The following SRP54 variants were observed in gnomAD, a reference collection of about 807,000 sequenced individuals.
The protein encoded by SRP54 is signal recognition particle 54.
A neutral mutation model predicts 64.8 loss-of-function variants in SRP54; 10 were observed. The observed-to-expected ratio is 0.15, with a 90% CI of 0.10 to 0.26. The LOEUF (loss-of-function observed/expected upper bound fraction) is 0.26, where lower values mean the gene tolerates loss of function less well. SRP54 is among the 10% of genes least tolerant of loss of function. SRP54 has a pLI of 1.00. For missense variants in SRP54, 325 were observed against 613.7 expected, an observed-to-expected ratio of 0.53 and a Z score of 4.97; for synonymous variants, 193 against 185.6, an observed-to-expected ratio of 1.04 and a Z score of -0.32.
At chr14:35,023,793 C>T (rs2044574980) in intron 14 of SRP54, among the ~76,000 whole-genome samples, 1 of 148,164 alleles carries the variant, frequency 6.7e-6, no homozygotes, top group Non-Finnish European at 1.5e-5. Context: ...CCCAAACACA[C>T]ACACACACAC....
chr14:35,001,824 C>G (rs552143681), intron 4 of SRP54, among the ~76,000 whole-genome samples: 2 of 151,984 alleles, frequency 1.3e-5, no homozygotes, highest in South Asian at 2.1e-4. Flanking sequence ...TATTGCTGAT[C>G]ATGCAAATTA....
At position 34,996,804 on chromosome 14, in the gene SRP54, A is replaced by T. The variant is rs771137520; in HGVS notation, c.78+17A>T. On this transcript the variant is annotated intron_variant, in intron 2 of 15. Coordinates refer to ENST00000216774, the MANE Select transcript of SRP54 (RefSeq NM_003136.4). ...AATGAAGAGGTATGTAAAATATTGT[A>T]TGAAATATATATGATTGTATATTGT... 1 of 1,528,966 alleles carries T rather than the reference A, an allele frequency of 6.5e-7. No homozygotes were observed. The highest frequency in any genetic ancestry group is 1.1e-5 in the South Asian group (1 of 89,312). The allele number at this position is 1,528,966 out of a possible 1,614,324, so 94.7% of individuals were successfully genotyped here.
intron 1 of SRP54, among the ~76,000 whole-genome samples, chr14:34,987,801 C>A (rs577170210): frequency 6.6e-6 from 1 of 152,270 alleles, no homozygotes; most frequent in South Asian, 2.1e-4. Context: ...TCCCTGATGG[C>A]TAATATTTTT....
At chr14:35,015,784 C>CG (rs2044428815) in intron 11 of SRP54, among the ~76,000 whole-genome samples, 1 of 152,156 alleles carries the variant, frequency 6.6e-6, no homozygotes, top group Non-Finnish European at 1.5e-5. Flanking sequence ...CTCATCTTAC[C>CG]AGATAATTGT....
chr14:34,996,621 CTT>C, intron 1 of SRP54, 54 bp from the exon 2 acceptor site: 1 of 893,680 alleles, frequency 1.1e-6, no homozygotes, highest in Non-Finnish European at 1.9e-6. Flanking sequence ...CTTTAGAACT[CTT>C]CAGTCATGGG....
At chr14:35,002,116 A>G (rs1193884128) in intron 4 of SRP54, among the ~76,000 whole-genome samples, 1 of 151,936 alleles carries the variant, frequency 6.6e-6, no homozygotes, top group Non-Finnish European at 1.5e-5. Context: ...GCACTGTGGG[A>G]GGCTGAGATG....
At chr14:34,999,013 G>GTT (rs67731589) in intron 2 of SRP54, among the ~76,000 whole-genome samples, 3 of 39,576 alleles carry the variant, frequency 7.6e-5, no homozygotes, top group Non-Finnish European at 1.6e-4. Flanking sequence ...GTGTGTGTGT[G>GTT]GTTTTTTTTT....
chr14:34,999,838 T>G (rs2044142054), intron 3 of SRP54, 189 bp downstream of exon 3: 1 of 423,582 alleles, frequency 2.4e-6, no homozygotes, highest in Non-Finnish European at 4.3e-6. Context: ...GTTCAAAGAA[T>G]AAACTACATG....
rs56702134 is a variant in SRP54, at chr14:34,995,989, C to T, written c.-33-688C>T. Among the ~76,000 whole-genome samples the T allele has an allele frequency of 3.3e-3, 496 of 150,102 alleles. 2 individuals are homozygous for T. The highest frequency in any genetic ancestry group is 0.011 in the African/African-American group (463 of 40,852). On this transcript the variant is annotated intron_variant, in intron 1 of 15. Coordinates refer to ENST00000216774, the MANE Select transcript of SRP54 (RefSeq NM_003136.4). Reference sequence around the variant, plus strand: ...CTAAGGCAGGAGGATTTCCTGCGCCCAGGAAGTTGAGGCTGCAGTCAGCTG... The same window carrying T: ...CTAAGGCAGGAGGATTTCCTGCGCCTAGGAAGTTGAGGCTGCAGTCAGCTG...
chr14:34,989,538 CTG>C (rs1389324894), intron 1 of SRP54, among the ~76,000 whole-genome samples: 1 of 152,030 alleles, frequency 6.6e-6, no homozygotes, highest in Non-Finnish European at 1.5e-5. Context: ...TCATTAGACT[CTG>C]TTTATATAAT....
At chr14:34,988,774 A>G (rs2043942347) in intron 1 of SRP54, among the ~76,000 whole-genome samples, 1 of 151,706 alleles carries the variant, frequency 6.6e-6, no homozygotes, top group Non-Finnish European at 1.5e-5. Context: ...TGACTGCTTT[A>G]TAGAAAAGTA....
At chr14:34,991,053 C>T (rs868515781) in intron 1 of SRP54, among the ~76,000 whole-genome samples, 1 of 149,882 alleles carries the variant, frequency 6.7e-6, no homozygotes, top group Non-Finnish European at 1.5e-5. Context: ...AGTGAGCTCA[C>T]AGGAGAAAGC....
chr14:34,994,290 C>T (rs910576737), intron 1 of SRP54, among the ~76,000 whole-genome samples: 27 of 152,122 alleles, frequency 1.8e-4, no homozygotes, highest in African/African-American at 5.8e-4. Flanking sequence ...TGAGCCACCA[C>T]GCCTGGTGCT....
At chr14:35,015,854 C>G (rs576015015) in intron 11 of SRP54, among the ~76,000 whole-genome samples, 8 of 152,288 alleles carry the variant, frequency 5.3e-5, no homozygotes, top group African/African-American at 1.9e-4. Flanking sequence ...TTATCTTTCT[C>G]AGGAGCTTCA....
chr14:35,023,202 G>T, intron 14 of SRP54, 122 bp downstream of exon 14: 1 of 731,588 alleles, frequency 1.4e-6, no homozygotes, highest in Non-Finnish European at 2.1e-6. Context: ...GTACTTCCAG[G>T]ATTTATGTGA....
intron 1 of SRP54, among the ~76,000 whole-genome samples, chr14:34,985,641 G>A (rs1221844210): frequency 6.6e-6 from 1 of 152,088 alleles, no homozygotes; most frequent in Non-Finnish European, 1.5e-5. Context: ...CTAAGGTATA[G>A]AACAGATTTC....
intron 3 of SRP54, among the ~76,000 whole-genome samples, chr14:35,000,367 A>G (rs1210988901): frequency 2.0e-5 from 3 of 152,266 alleles, no homozygotes; most frequent in South Asian, 4.1e-4. Flanking sequence ...GGAGATCGAG[A>G]CCAGCCTGGC....
At chr14:35,008,261 A>G (rs530125349) in intron 5 of SRP54, among the ~76,000 whole-genome samples, 106 of 152,344 alleles carry the variant, frequency 7.0e-4, no homozygotes, top group Non-Finnish European at 1.3e-3. Flanking sequence ...GCATGTCTCA[A>G]CAATATTACA....
At chr14:35,026,347 G>GCCCCCAAGTAGCTGAGA (rs1357045582) in intron 14 of SRP54, among the ~76,000 whole-genome samples, 2 of 151,966 alleles carry the variant, frequency 1.3e-5, no homozygotes, top group Admixed American at 1.3e-4. Flanking sequence ...CCAATCTGAG[G>GCCCCCAAGTAGCTGAGA]CCCCCAAGTA....
Sources: gnomAD v4.1 joint callset for allele counts (sites outside exome capture counted in the v4.1 genomes callset) on GRCh38, gnomAD v4.1.1 for gene constraint, MANE v1.5 for transcripts, NCBI Gene and HGNC (gene_info 2026-07-23, HGNC 2026-07-21) for gene names.